Variants in NALF1 observed in about 807,000 individuals in gnomAD.
NALF1 encodes the protein family with sequence similarity 155 member A.
A neutral mutation model predicts 48.4 loss-of-function variants in NALF1; 3 were observed. The observed-to-expected ratio is 0.06, with a 90% CI of 0.03 to 0.16. NALF1 has a LOEUF of 0.16. NALF1 is among the 10% of genes least tolerant of loss of function. The probability of loss-of-function intolerance (pLI) is 1.00; values close to 1 mark genes in which losing one functional copy is unlikely to be tolerated. For synonymous variants in NALF1, 262 were observed against 245.7 expected, an observed-to-expected ratio of 1.07 and a Z score of -0.62; for missense variants, 526 against 571.5, an observed-to-expected ratio of 0.92 and a Z score of 0.81.
chr13:107,566,619 C>T (rs1877817115), intron 1 of NALF1, among the ~76,000 whole-genome samples: 1 of 152,190 alleles, frequency 6.6e-6, no homozygotes, highest in East Asian at 1.9e-4. Flanking sequence ...ACCAGATTCA[C>T]GTTGTGGTTC....
intron 1 of NALF1, among the ~76,000 whole-genome samples, chr13:107,299,471 TAAATAAATA>T (rs1566478519): frequency 1.9e-5 from 1 of 51,504 alleles, no homozygotes; most frequent in East Asian, 9.6e-4. Flanking sequence ...ATAATAATAA[TAAATAAATA>T]AATAAATAAA....
intron 2 of NALF1, among the ~76,000 whole-genome samples, chr13:107,175,282 G>C (rs1234748777): frequency 6.7e-6 from 1 of 149,562 alleles, no homozygotes; most frequent in African/African-American, 2.5e-5. Context: ...TGGGATTTGG[G>C]GACCTGACTG....
intron 1 of NALF1, among the ~76,000 whole-genome samples, chr13:107,821,712 A>G (rs1243658643): frequency 6.6e-6 from 1 of 152,230 alleles, no homozygotes; most frequent in Non-Finnish European, 1.5e-5. Flanking sequence ...CAATGACAGA[A>G]AGAGTACATA....
chr13:107,579,473 G>C (rs1878240125), intron 1 of NALF1, among the ~76,000 whole-genome samples: 1 of 152,202 alleles, frequency 6.6e-6, no homozygotes, highest in Non-Finnish European at 1.5e-5. Context: ...ACTGGAGACA[G>C]AGCAAAGAGA....
At chr13:107,505,704 C>T (rs751894621) in intron 1 of NALF1, among the ~76,000 whole-genome samples, 12 of 152,138 alleles carry the variant, frequency 7.9e-5, no homozygotes, top group South Asian at 6.2e-4. Flanking sequence ...GTGCCTCTTA[C>T]GTAAATAAAC....
chr13:107,554,895 G>A (rs1220433562), intron 1 of NALF1, among the ~76,000 whole-genome samples: 1 of 152,106 alleles, frequency 6.6e-6, no homozygotes, highest in Non-Finnish European at 1.5e-5. Flanking sequence ...GAGTACGGAA[G>A]GAGGAGTGTA....
At chr13:107,220,020 C>A (rs1319076713) in intron 1 of NALF1, among the ~76,000 whole-genome samples, 2 of 152,076 alleles carry the variant, frequency 1.3e-5, no homozygotes, top group Non-Finnish European at 2.9e-5. Context: ...ACTTGTGTAC[C>A]AAGAGTGCAT....
chr13:107,676,992 T>G lies in NALF1; in HGVS notation c.915+188690A>C, dbSNP rs564705347. On this transcript the variant is annotated intron_variant, in intron 1 of 2. Coordinates refer to ENST00000375915, the MANE Select transcript of NALF1 (RefSeq NM_001080396.3). ...GCTTTGATGAGACACTGTCTCCACT[T>G]TGGGGTCAGAATCATATATATGACC... 2.0e-5 allele frequency among the ~76,000 whole-genome samples: 3 copies of G among 152,248 alleles called. No homozygotes were observed. In the East Asian group the frequency reaches 5.8e-4, roughly 29 times the overall value.
Position 107,771,248 on chromosome 13 carries a change from T to TTGTGTGTGTGTGTGTGTG in NALF1, c.915+94433_915+94434insCACACACACACACACACA, listed in dbSNP as rs147526327. Among the ~76,000 whole-genome samples the TTGTGTGTGTGTGTGTGTG allele has an allele frequency of 5.2e-4, 78 of 151,034 alleles. No individual in the cohort carries two copies. In the East Asian group the frequency reaches 8.0e-3, roughly 15 times the overall value. On this transcript the variant is annotated intron_variant, in intron 1 of 2. Coordinates refer to ENST00000375915, the MANE Select transcript of NALF1 (RefSeq NM_001080396.3). ...TGGTTTGAGATGTTATTTTAACATG[T>TTGTGTGTGTGTGTGTGTG]TGTGTGTGTGTGTGTCAGTATATGA...
At chr13:107,404,047 A>G (rs1000694448) in intron 1 of NALF1, among the ~76,000 whole-genome samples, 4 of 152,126 alleles carry the variant, frequency 2.6e-5, no homozygotes, top group African/African-American at 7.2e-5. Flanking sequence ...TTAGTTACAG[A>G]TCTTTCTATA....
intron 2 of NALF1, among the ~76,000 whole-genome samples, chr13:107,189,650 G>C (rs746347738): frequency 2.0e-5 from 3 of 152,206 alleles, no homozygotes; most frequent in Non-Finnish European, 2.9e-5. Flanking sequence ...AAGTTACCAA[G>C]TACCAGGGAC....
At chr13:107,479,306 T>C (rs1885218191) in intron 1 of NALF1, among the ~76,000 whole-genome samples, 1 of 152,174 alleles carries the variant, frequency 6.6e-6, no homozygotes, top group Admixed American at 6.6e-5. Context: ...ACTCCTGGCA[T>C]CATAACTATT....
intron 1 of NALF1, among the ~76,000 whole-genome samples, chr13:107,643,235 T>C (rs530112807): frequency 7.4e-4 from 112 of 152,280 alleles, no homozygotes; most frequent in African/African-American, 2.6e-3. Context: ...TATACTTAAG[T>C]TACAAACACA....
chr13:107,439,468 C>G (rs1884521172), intron 1 of NALF1, among the ~76,000 whole-genome samples: 2 of 152,188 alleles, frequency 1.3e-5, no homozygotes, highest in Admixed American at 6.5e-5. Flanking sequence ...TGGACTAGGT[C>G]TTCACAGTGA....
At chr13:107,363,054 T>C (rs1883092615) in intron 1 of NALF1, among the ~76,000 whole-genome samples, 1 of 152,208 alleles carries the variant, frequency 6.6e-6, no homozygotes, top group South Asian at 2.1e-4. Flanking sequence ...CCTGAAATTC[T>C]ACTAGAATAA....
At chr13:107,744,094 G>A (rs1876712041) in intron 1 of NALF1, among the ~76,000 whole-genome samples, 1 of 152,172 alleles carries the variant, frequency 6.6e-6, no homozygotes, top group Admixed American at 6.5e-5. Flanking sequence ...GATTCAGCCT[G>A]GCTGACTGTG....
At chr13:107,276,340 T>G (rs1192067965) in intron 1 of NALF1, among the ~76,000 whole-genome samples, 2 of 152,216 alleles carry the variant, frequency 1.3e-5, no homozygotes. Flanking sequence ...AATTTTCTGA[T>G]GTCCAGAATA....
intron 1 of NALF1, among the ~76,000 whole-genome samples, chr13:107,315,019 T>C (rs1882118625): frequency 6.6e-6 from 1 of 152,156 alleles, no homozygotes; most frequent in African/African-American, 2.4e-5. Flanking sequence ...CTGTGGATTC[T>C]CACAATATGC....
intron 1 of NALF1, among the ~76,000 whole-genome samples, chr13:107,402,665 T>C (rs1333585824): frequency 2.0e-5 from 3 of 152,104 alleles, no homozygotes; most frequent in Non-Finnish European, 4.4e-5. Flanking sequence ...CATTGAGAGA[T>C]GCCACTGAAA....
Sources: allele counts gnomAD v4.1 joint callset (sites outside exome capture counted in the v4.1 genomes callset), GRCh38; gene constraint gnomAD v4.1.1; transcripts MANE v1.5; gene names NCBI Gene and HGNC (gene_info 2026-07-23, HGNC 2026-07-21).